CSN2: variants seen among roughly 807,000 people sequenced by gnomAD.
The protein encoded by CSN2 is beta-casein.
A neutral mutation model predicts 27.3 loss-of-function variants in CSN2; 27 were observed. The observed-to-expected ratio is 0.99, with a 90% CI of 0.73 to 1.36. The LOEUF (loss-of-function observed/expected upper bound fraction) is 1.36, where lower values mean the gene tolerates loss of function less well. Among genes scored for constraint, CSN2 ranks in the 40% most tolerant of loss-of-function variants. The pLI is 0.00. For missense variants in CSN2, 333 were observed against 264.5 expected (o/e 1.26, Z -1.80); for synonymous variants, 131 against 94.8 (o/e 1.38, Z -2.22).
chr4:69,961,080 CT>C (rs1723563872), intron 1 of CSN2, 73 bp from the exon 2 acceptor site: 17 of 986,256 alleles, frequency 1.7e-5, no homozygotes, highest in Non-Finnish European at 2.6e-5. Context: ...GGTAAGGTTA[CT>C]TTTTATAAAA....
Position 69,960,951 on chromosome 4 carries a change from T to G in CSN2, c.45A>C (p.Ala15=), listed in dbSNP as rs1392413559. The G allele has an allele frequency of 1.2e-6, 2 of 1,612,670 alleles. No individual in the cohort carries two copies. Among genetic ancestry groups the G allele is most frequent in the African/African-American group, 2.7e-5 (2 of 74,872 alleles). ...TTTTTTCTTGTGCACATACCTCCCTTGCAAGAGCAAGAGCCACCAGGCAGG... is the reference window on the plus strand; with the variant it reads ...TTTTTTCTTGTGCACATACCTCCCTGGCAAGAGCAAGAGCCACCAGGCAGG... ...ILACLVALAL[A]RETIESLSSS... The change falls in exon 2 of 8, where the codon GCA becomes GCC. Residue 15 remains alanine (A), a synonymous_variant. Transcript: ENST00000353151.
At chr4:69,961,604 T>C (rs1723587589) in intron 1 of CSN2, among the ~76,000 whole-genome samples, 1 of 152,184 alleles carries the variant, frequency 6.6e-6, no homozygotes, top group Non-Finnish European at 1.5e-5. Flanking sequence ...GAGCTATCTA[T>C]GACAAACCCA....
rs10021394 is a variant in CSN2 at position 69,957,013 on chromosome 4, G to A, written c.675+261C>T. 3.5e-3 allele frequency among the ~76,000 whole-genome samples: 538 copies of A among 152,104 alleles called. 4 individuals carry two copies. The highest frequency in any genetic ancestry group is 0.012 in the African/African-American group (503 of 41,486). ...CACCTGGACCTGTCGTGGGGTGGGG[G>A]TAGGGGGTAGGGATAGCATTAGGAG... On this transcript the variant is annotated intron_variant, in intron 6 of 7. Transcript: ENST00000353151.
intron 1 of CSN2, among the ~76,000 whole-genome samples, chr4:69,963,972 C>T (rs1256998501): frequency 6.7e-6 from 1 of 149,508 alleles, no homozygotes; most frequent in East Asian, 1.9e-4. Flanking sequence ...TTTCTTTTCA[C>T]TAAACGGTTA....
At position 69,957,169 on chromosome 4, in the gene CSN2, T is replaced by G. The variant is rs1480060957; in HGVS notation, c.675+105A>C. ...AAAGTATAATAATAAAAGAATCACTTATCTAAACTGTTTTTTTAATTCATT... is the reference window on the plus strand; with the variant it reads ...AAAGTATAATAATAAAAGAATCACTGATCTAAACTGTTTTTTTAATTCATT... On this transcript the variant is annotated intron_variant, in intron 6 of 7. Transcript: ENST00000353151. 5.1e-6 allele frequency: 6 copies of G among 1,174,404 alleles called. No homozygotes were observed. The East Asian group carries it at 1.6e-4, about 30-fold the overall frequency. 72.7% of individuals were successfully genotyped at this position (1,174,404 alleles called of 1,614,324 possible). A position where few individuals can be genotyped will look rare whatever the true frequency, so the allele number is the denominator to read the frequency against.
intron 5 of CSN2, 22 bp from the exon 6 acceptor site, chr4:69,957,826 C>T: frequency 6.3e-7 from 1 of 1,593,048 alleles, no homozygotes; most frequent in African/African-American, 1.3e-5. Flanking sequence ...GAAAAAGAAT[C>T]TTTGAGTCCT....
Position 69,959,076 on chromosome 4 carries a change from A to G in CSN2, c.79-7T>C, listed in dbSNP as rs1464834152. Reference sequence around the variant, plus strand: ...TGTATTCTGTAATAGATTCCTACAGAAAAATATAAAATAAAATTAGGTTTA... The same window carrying G: ...TGTATTCTGTAATAGATTCCTACAGGAAAATATAAAATAAAATTAGGTTTA... On this transcript the variant is annotated splice_region_variant and splice_polypyrimidine_tract_variant and intron_variant, in intron 3 of 7. Coordinates refer to ENST00000353151, the MANE Select transcript of CSN2 (RefSeq NM_001891.4). 1.5e-6 allele frequency: 2 copies of G among 1,334,984 alleles called. No individual in the cohort carries two copies. The highest frequency in any genetic ancestry group is 4.9e-5 in the East Asian group (2 of 40,552). The allele number at this position is 1,334,984 out of a possible 1,614,324, so 82.7% of individuals were successfully genotyped here. A position where few individuals can be genotyped will look rare whatever the true frequency, so the allele number is the denominator to read the frequency against.
chr4:69,955,307 A>G lies in CSN2; in HGVS notation c.*322T>C, dbSNP rs2637816. ...GACTGGAAAGGAAATAGATTCTTAA[A>G]GAAATAAAAATAAGCACAATTCCAG... On this transcript the variant is annotated 3_prime_UTR_variant, in exon 8 of 8. Transcript: ENST00000353151. 12,632 of 152,520 alleles carry G rather than the reference A, an allele frequency of 0.083. 716 individuals are homozygous for G. Among genetic ancestry groups the G allele is most frequent in the East Asian group, 0.17 (893 of 5,160 alleles). 9.4% of individuals were successfully genotyped at this position (152,520 alleles called of 1,614,324 possible).
At chr4:69,962,553 T>C (rs1184856994) in intron 1 of CSN2, among the ~76,000 whole-genome samples, 2 of 152,090 alleles carry the variant, frequency 1.3e-5, no homozygotes, top group Non-Finnish European at 2.9e-5. Context: ...TGAAACCGGG[T>C]CCCTTCCTTA....
intron 1 of CSN2, among the ~76,000 whole-genome samples, chr4:69,962,696 G>C (rs964999075): frequency 1.3e-4 from 20 of 151,966 alleles, no homozygotes; most frequent in East Asian, 7.7e-4. Flanking sequence ...ATGTGTAAAA[G>C]ACCAAAAGCA....
Position 69,964,784 on chromosome 4 carries a change from C to T in CSN2, c.-13+897G>A, listed in dbSNP as rs867981044. On this transcript the variant is annotated intron_variant, in intron 1 of 7. Transcript: ENST00000353151. ...CTAATATATATAATAATTTTATATA[C>T]GAATGTATAATTACAATGCTAATTT... Among the ~76,000 whole-genome samples the T allele has an allele frequency of 9.9e-4, 148 of 149,080 alleles. 1 individual carries two copies. The highest frequency in any genetic ancestry group is 6.5e-4 in the Non-Finnish European group (44 of 67,316).
intron 7 of CSN2, among the ~76,000 whole-genome samples, chr4:69,955,990 CA>C (rs1723384435): frequency 6.6e-6 from 1 of 152,032 alleles, no homozygotes; most frequent in East Asian, 1.9e-4. Flanking sequence ...GACAAAAGCT[CA>C]AATGTATTTC....
At chr4:69,962,369 C>G (rs1402700890) in intron 1 of CSN2, among the ~76,000 whole-genome samples, 2 of 152,100 alleles carry the variant, frequency 1.3e-5, no homozygotes, top group Non-Finnish European at 2.9e-5. Context: ...CAGCATGGTA[C>G]TTGGTACCAA....
At chr4:69,962,708 T>A (rs1175814950) in intron 1 of CSN2, among the ~76,000 whole-genome samples, 2 of 152,096 alleles carry the variant, frequency 1.3e-5, no homozygotes, top group Non-Finnish European at 2.9e-5. Flanking sequence ...CCAAAAGCAA[T>A]GGCAACAAAA....
rs377283300 is a variant in CSN2 at position 69,957,732 on chromosome 4, G to T, written c.217C>A (p.Pro73Thr). Reference sequence around the variant, plus strand: ...ATGTTTTGTGGAAGAAAACCATAGGGGATAGGTTCAACGAATGGATAGATC... The same window carrying T: ...ATGTTTTGTGGAAGAAAACCATAGGTGATAGGTTCAACGAATGGATAGATC... ...PLIYPFVEPIPYGFLPQNILP... is the reference protein window; with the variant it reads ...PLIYPFVEPITYGFLPQNILP... Residue 73 changes from proline to threonine, a missense_variant, in exon 6 of 8, where the codon CCC becomes ACC. Coordinates refer to ENST00000353151, the MANE Select transcript of CSN2 (RefSeq NM_001891.4). 181 of 1,613,838 alleles carry T rather than the reference G, an allele frequency of 1.1e-4. 1 individual carries two copies. The highest frequency in any genetic ancestry group is 1.5e-4 in the Non-Finnish European group (181 of 1,179,964).
In CSN2 at chr4:69,957,755, A is replaced by T. The variant is rs1382496824; in HGVS notation, c.194T>A (p.Ile65Asn). 2 of 1,613,804 alleles carry T rather than the reference A, an allele frequency of 1.2e-6. No individual in the cohort carries two copies. Among genetic ancestry groups the T allele is most frequent in the Non-Finnish European group, 1.7e-6 (2 of 1,179,948 alleles). ...GGGGATAGGTTCAACGAATGGATAGATCAGAGGCTGTGGCTGGAAAGAGGG... is the reference window on the plus strand; with the variant it reads ...GGGGATAGGTTCAACGAATGGATAGTTCAGAGGCTGTGGCTGGAAAGAGGG... The part of the protein sequence containing the change: ...IYPSFQPQPL[I>N]YPFVEPIPYG... Residue 65 changes from isoleucine to asparagine, a missense_variant, in exon 6 of 8, where the codon ATC becomes AAC. By Grantham distance (149) the Ile-to-Asn change is moderately radical. Coordinates refer to ENST00000353151, the MANE Select transcript of CSN2 (RefSeq NM_001891.4).
chr4:69,960,371 T>G (rs1275888432), intron 2 of CSN2, among the ~76,000 whole-genome samples: 4 of 151,718 alleles, frequency 2.6e-5, no homozygotes, highest in Non-Finnish European at 1.5e-5. Context: ...TTTAATGTCT[T>G]TTATATTTAG....
At chr4:69,959,209 T>A (rs1274456067) in intron 3 of CSN2, 140 bp from the exon 4 acceptor site, 8 of 683,216 alleles carry the variant, frequency 1.2e-5, no homozygotes, top group Non-Finnish European at 1.6e-5. Flanking sequence ...TATTAAACTG[T>A]TCTATATGAG....
chr4:69,959,901 T>A (rs1578144508), intron 3 of CSN2, 152 bp downstream of exon 3: 2 of 587,468 alleles, frequency 3.4e-6, no homozygotes, highest in South Asian at 5.4e-5. Context: ...ATTATCCAGA[T>A]ACTTATTGTC....
Sources: gnomAD v4.1 joint callset for allele counts (sites outside exome capture counted in the v4.1 genomes callset) on GRCh38, gnomAD v4.1.1 for gene constraint, MANE v1.5 for transcripts, NCBI Gene and HGNC (gene_info 2026-07-23, HGNC 2026-07-21) for gene names.